SLAMF7: variants seen among roughly 807,000 people sequenced by gnomAD.
SLAMF7 encodes the protein 19A24 protein.
SLAMF7 carries 26 observed loss-of-function variants against 34.1 expected under a neutral mutation model. The ratio of observed to expected loss-of-function variants is 0.76; its 90% CI spans 0.56 to 1.06. The LOEUF (loss-of-function observed/expected upper bound fraction) is 1.06. Ranked by LOEUF, SLAMF7 falls within the 50% of genes least tolerant of loss-of-function variation. SLAMF7 has a pLI of 0.00. For synonymous variants in SLAMF7, 171 were observed against 156.4 expected (o/e 1.09, Z -0.70); for missense variants, 399 against 402.5 (o/e 0.99, Z 0.07).
At chr1:160,747,688 G>C (rs759596333) in intron 1 of SLAMF7, among the ~76,000 whole-genome samples, 2 of 152,200 alleles carry the variant, frequency 1.3e-5, no homozygotes, top group Non-Finnish European at 2.9e-5. Context: ...AACAGAGTGA[G>C]ACTCTGTCTC....
chr1:160,745,009 G>C (rs1664020224), intron 1 of SLAMF7, among the ~76,000 whole-genome samples: 1 of 152,146 alleles, frequency 6.6e-6, no homozygotes, highest in Non-Finnish European at 1.5e-5. Context: ...ATTACTTAAT[G>C]GGATGATTTA....
chr1:160,749,855 G>T lies in SLAMF7; in HGVS notation c.411G>T (p.Leu137=), dbSNP rs749090980. ...HLSKPKVTMG[L]QSNKNGTCVT... The stretch of plus-strand genomic sequence containing the variant: ...CAAAGCCTAAAGTCACCATGGGTCT[G>T]CAGAGCAATAAGAATGGCACCTGTG... Residue 137 remains leucine, a synonymous_variant, in exon 3 of 7, where the codon CTG becomes CTT. Transcript: ENST00000368043. 13 of 1,612,072 alleles carry T rather than the reference G, an allele frequency of 8.1e-6. No individual in the cohort carries two copies. The highest frequency in any genetic ancestry group is 1.0e-5 in the Non-Finnish European group (12 of 1,178,888).
chr1:160,751,139 A>AAATTTCT (rs1411943167), intron 4 of SLAMF7: 1 of 548,218 alleles, frequency 1.8e-6, no homozygotes, highest in Non-Finnish European at 3.3e-6. Context: ...TCAGGAAGTG[A>AAATTTCT]AATGTTGGGG....
intron 6 of SLAMF7, among the ~76,000 whole-genome samples, chr1:160,752,587 A>G: frequency 6.6e-6 from 1 of 152,218 alleles, no homozygotes; most frequent in South Asian, 2.1e-4. Context: ...GGAATAGCTG[A>G]GAGGAGAGTC....
intron 4 of SLAMF7, 139 bp from the exon 5 acceptor site, chr1:160,751,206 C>T (rs1195063510): frequency 3.0e-6 from 2 of 673,420 alleles, no homozygotes; most frequent in Admixed American, 4.9e-5. Flanking sequence ...TGAAAGTCCT[C>T]TATCCTGAAA....
At chr1:160,744,823 T>A (rs1664009850) in intron 1 of SLAMF7, among the ~76,000 whole-genome samples, 1 of 152,172 alleles carries the variant, frequency 6.6e-6, no homozygotes, top group African/African-American at 2.4e-5. Context: ...GCTGTTGAAG[T>A]AAAAGAACAA....
At chr1:160,753,060 G>A in intron 6 of SLAMF7, 46 bp from the exon 7 acceptor site, 2 of 1,571,106 alleles carry the variant, frequency 1.3e-6, no homozygotes, top group Non-Finnish European at 1.8e-6. Context: ...ACGATCCAGA[G>A]CCCTGCTCAC....
chr1:160,754,173 C>CCGGCTCACACCTATG lies in SLAMF7; in HGVS notation c.*1000_*1001insTCACACCTATGCGGC, dbSNP rs1664843361. On this transcript the variant is annotated 3_prime_UTR_variant, in exon 7 of 7. Transcript: ENST00000368043. ...GATATTTATTAAGAACCTATGCGGC[C>CCGGCTCACACCTATG]CGGCATGGTGGCTCACACCTGTAAT... The CCGGCTCACACCTATG allele has an allele frequency of 6.6e-6, 1 of 152,158 alleles. No homozygotes were observed. The highest frequency in any genetic ancestry group is 2.4e-5 in the African/African-American group (1 of 41,398). The allele number at this position is 152,158 out of a possible 1,614,324, so 9.4% of individuals were successfully genotyped here.
intron 3 of SLAMF7, 29 bp from the exon 4 acceptor site, chr1:160,750,275 T>C: frequency 6.2e-7 from 1 of 1,610,038 alleles, no homozygotes; most frequent in Non-Finnish European, 8.5e-7. Context: ...CTTTTCTCCC[T>C]TCCCTGTGCC....
At chr1:160,742,033 G>A (rs1482462409) in intron 1 of SLAMF7, among the ~76,000 whole-genome samples, 3 of 152,040 alleles carry the variant, frequency 2.0e-5, no homozygotes, top group Non-Finnish European at 4.4e-5. Context: ...GCAAGCAGGA[G>A]GCAGGCTTTT....
In SLAMF7 at chr1:160,749,921, T is replaced by A; in HGVS notation, c.477T>A (p.Asp159Glu). 6.2e-7 allele frequency: 1 copy of A among 1,614,032 alleles called. No homozygotes were observed. The highest frequency in any genetic ancestry group is 8.5e-7 in the Non-Finnish European group (1 of 1,179,942). ...GCTGCATGGAACATGGGGAAGAGGA[T>A]GTGATTTATACCTGGAAGGCCCTGG... ...LTCCMEHGEEDVIYTWKALGQ... is the reference protein window; with the variant it reads ...LTCCMEHGEEEVIYTWKALGQ... The change falls in exon 3 of 7, where the codon GAT becomes GAA. Residue 159 changes from aspartate to glutamate, a missense_variant. Transcript: ENST00000368043.
chr1:160,745,840 C>T (rs538569091), intron 1 of SLAMF7, among the ~76,000 whole-genome samples: 2 of 152,192 alleles, frequency 1.3e-5, no homozygotes, highest in Non-Finnish European at 2.9e-5. Context: ...TAGGCATACT[C>T]TTTACAATAA....
Position 160,752,242 on chromosome 1 carries a change from GA to G in SLAMF7, c.935del (p.Lys312ArgfsTer61). Reference sequence around the variant, plus strand: ...CGGTTTACTCCACTGTGGAAATACCGAAAAAGGTAAGAAGCTTTAGAGCTTA... The same window carrying G: ...CGGTTTACTCCACTGTGGAAATACCGAAAAGGTAAGAAGCTTTAGAGCTTA... The part of the protein sequence containing the change: ...NTVYSTVEIP[K>X]KMENPHSLLT... On this transcript the variant is annotated frameshift_variant, in exon 6 of 7. Transcript: ENST00000368043. LOFTEE classifies it low-confidence loss of function (END_TRUNC). 1 of 1,610,872 alleles carries G rather than the reference GA, an allele frequency of 6.2e-7. No homozygotes were observed. Among genetic ancestry groups the G allele is most frequent in the Non-Finnish European group, 8.5e-7 (1 of 1,177,596 alleles).
chr1:160,739,902 G>C (rs1015256883), intron 1 of SLAMF7, among the ~76,000 whole-genome samples: 4 of 152,104 alleles, frequency 2.6e-5, no homozygotes, highest in Non-Finnish European at 4.4e-5. Context: ...GGCACTTTAT[G>C]TTTAATCCCA....
intron 5 of SLAMF7, chr1:160,751,844 C>CTA: frequency 1.6e-5 from 1 of 62,626 alleles, no homozygotes; most frequent in East Asian, 3.8e-4. Flanking sequence ...CTCTCTCTCT[C>CTA]TCTCTCTCTC....
chr1:160,750,101 C>T lies in SLAMF7; in HGVS notation c.649+8C>T. 1.9e-6 allele frequency: 3 copies of T among 1,612,190 alleles called. No homozygotes were observed. Among genetic ancestry groups the T allele is most frequent in the East Asian group, 4.5e-5 (2 of 44,860 alleles). ...CCAGGAAGCTCTGTGAAGGTGACTG[C>T]CTCTCCCCTCTCCACAGGAGACTCT... On this transcript the variant is annotated splice_region_variant and intron_variant, in intron 3 of 6. Coordinates refer to ENST00000368043, the MANE Select transcript of SLAMF7 (RefSeq NM_021181.5).
Position 160,749,891 on chromosome 1 carries a change from G to T in SLAMF7, c.447G>T (p.Leu149=). Residue 149 remains leucine (L), a synonymous_variant, in exon 3 of 7, where the codon CTG becomes CTT. Coordinates refer to ENST00000368043, the MANE Select transcript of SLAMF7 (RefSeq NM_021181.5). ...SNKNGTCVTN[L]TCCMEHGEED... ...AGAATGGCACCTGTGTGACCAATCT[G>T]ACATGCTGCATGGAACATGGGGAAG... The T allele has an allele frequency of 6.2e-7, 1 of 1,614,062 alleles. No homozygotes were observed. The highest frequency in any genetic ancestry group is 1.7e-5 in the Admixed American group (1 of 60,030).
chr1:160,746,619 G>A (rs1159175036), intron 1 of SLAMF7, among the ~76,000 whole-genome samples: 1 of 152,188 alleles, frequency 6.6e-6, no homozygotes, highest in African/African-American at 2.4e-5. Flanking sequence ...ACACAGCAAA[G>A]GAAATACAGC....
At position 160,751,891 on chromosome 1, in the gene SLAMF7, TATATATATATAC is replaced by T. The variant is rs1481548292; in HGVS notation, c.874-293_874-282del. 1.8e-3 allele frequency: 212 copies of T among 118,090 alleles called. 1 individual carries two copies. Among genetic ancestry groups the T allele is most frequent in the African/African-American group, 6.9e-3 (203 of 29,628 alleles). 7.3% of individuals were successfully genotyped at this position (118,090 alleles called of 1,614,324 possible). ...ATATATATATATATATATATATATA[TATATATATATAC>T]ACACACATATATATATAATATTTTT... On this transcript the variant is annotated intron_variant, in intron 5 of 6. Transcript: ENST00000368043.
Sources: gnomAD v4.1 joint callset for allele counts (sites outside exome capture counted in the v4.1 genomes callset) on GRCh38, gnomAD v4.1.1 for gene constraint, MANE v1.5 for transcripts, NCBI Gene and HGNC (gene_info 2026-07-23, HGNC 2026-07-21) for gene names.